Variants in EEF1B2 observed in about 807,000 individuals in gnomAD.
EEF1B2 encodes elongation factor 1-beta.
EEF1B2 carries 12 observed loss-of-function variants against 28.3 expected under a neutral mutation model. That is an observed-to-expected ratio of 0.42 (90% CI 0.27 to 0.69). EEF1B2 has a LOEUF of 0.69. Among genes scored for constraint, EEF1B2 ranks in the 30% least tolerant of loss-of-function variants. The pLI is 0.22. For synonymous variants in EEF1B2, 83 were observed against 99.9 expected, an observed-to-expected ratio of 0.83 and a Z score of 1.01; for missense variants, 234 against 272.6, an observed-to-expected ratio of 0.86 and a Z score of 1.00.
Position 206,162,739 on chromosome 2 carries a change from T to G in EEF1B2, c.534T>G (p.Val178=), listed in dbSNP as rs371039052. The G allele has an allele frequency of 1.2e-6, 2 of 1,613,594 alleles. No individual in the cohort carries two copies. The highest frequency in any genetic ancestry group is 2.7e-5 in the African/African-American group (2 of 74,922). ...DGLVWGSSKL[V]PVGYGIKKLQ... is the part of the protein sequence containing the mutation. ...TAATGCTCTTTTTAGCTAAACTAGT[T>G]CCAGTGGGATACGGAATTAAGAAAC... Residue 178 remains valine, a synonymous_variant, in exon 6 of 6, where the codon GTT becomes GTG. Coordinates refer to ENST00000392222, the MANE Select transcript of EEF1B2 (RefSeq NM_001959.4).
chr2:206,159,786 A>G (rs566971728), upstream of EEF1B2: 29 of 548,716 alleles, frequency 5.3e-5, no homozygotes, highest in African/African-American at 5.7e-4. Flanking sequence ...CCCAATTCGT[A>G]CGTGGAGAAG....
At position 206,160,029 on chromosome 2, in the gene EEF1B2, A is replaced by G; in HGVS notation, c.50A>G (p.Asp17Gly). Reference sequence around the variant, plus strand: ...CCTGCCGGCCTCCAGGTGCTCAACGATTACCTGGCGGACAAGAGCTACATC... The same window carrying G: ...CCTGCCGGCCTCCAGGTGCTCAACGGTTACCTGGCGGACAAGAGCTACATC... ...KSPAGLQVLNDYLADKSYIEG... is the reference protein window; with the variant it reads ...KSPAGLQVLNGYLADKSYIEG... Residue 17 changes from aspartate (D) to glycine (G), a missense_variant, in exon 1 of 6, where the codon GAT becomes GGT. By Grantham distance (94) the Asp-to-Gly change is moderately conservative (BLOSUM62 -1). Transcript: ENST00000392222. 1 of 1,613,354 alleles carries G rather than the reference A, an allele frequency of 6.2e-7. No homozygotes were observed.
intron 2 of EEF1B2, 38 bp from the exon 3 acceptor site, chr2:206,161,308 A>C (rs1187337366): frequency 1.9e-6 from 3 of 1,610,746 alleles, no homozygotes; most frequent in Non-Finnish European, 2.5e-6. Flanking sequence ...AGGATGTTAT[A>C]CTAGCTCAAT....
Position 206,159,979 on chromosome 2 carries a change from C to T in EEF1B2, c.-1C>T. 6.2e-7 allele frequency: 1 copy of T among 1,612,376 alleles called. No homozygotes were observed. Among genetic ancestry groups the T allele is most frequent in the South Asian group, 1.1e-5 (1 of 90,988 alleles). On this transcript the variant is annotated 5_prime_UTR_variant, in exon 1 of 6. Coordinates refer to ENST00000392222, the MANE Select transcript of EEF1B2 (RefSeq NM_001959.4). The stretch of plus-strand genomic sequence containing the variant: ...CCCAGCTCTCGGATACAGCCGACAC[C>T]ATGGGTTTCGGAGACCTGAAAAGCC...
Position 206,159,906 on chromosome 2 carries a change from T to C in EEF1B2, c.-74T>C. 6.5e-7 allele frequency: 1 copy of C among 1,544,386 alleles called. No individual in the cohort carries two copies. Among genetic ancestry groups the C allele is most frequent in the Non-Finnish European group, 8.7e-7 (1 of 1,143,270 alleles). On this transcript the variant is annotated 5_prime_UTR_variant, in exon 1 of 6. Transcript: ENST00000392222. ...CGGTCTCTTCGGGTCCTTTTTCCTC[T>C]CTTCAGCGTGGGGCGCCCACAATTT...
intron 2 of EEF1B2, 119 bp from the exon 3 acceptor site, chr2:206,161,227 T>G: frequency 6.9e-7 from 1 of 1,451,032 alleles, no homozygotes; most frequent in Non-Finnish European, 9.4e-7. Context: ...TGTGAAAGGG[T>G]AAATTATGAT....
intron 1 of EEF1B2, 79 bp from the exon 2 acceptor site, chr2:206,160,509 G>A (rs772437205): frequency 6.2e-7 from 1 of 1,606,364 alleles, no homozygotes; most frequent in Admixed American, 1.7e-5. Flanking sequence ...TAATTAATGT[G>A]ATGCATACGG....
At position 206,162,807 on chromosome 2, in the gene EEF1B2, A is replaced by G; in HGVS notation, c.602A>G (p.Asp201Gly). Residue 201 changes from aspartate (D) to glycine (G), a missense_variant, in exon 6 of 6, where the codon GAT becomes GGT. Coordinates refer to ENST00000392222, the MANE Select transcript of EEF1B2 (RefSeq NM_001959.4). ...GTTGAAGATGATAAAGTTGGAACAG[A>G]TATGCTGGAGGAGCAGATCACTGCT... ...CVVEDDKVGT[D>G]MLEEQITAFE... 1 of 1,608,332 alleles carries G rather than the reference A, an allele frequency of 6.2e-7. No individual in the cohort carries two copies. The highest frequency in any genetic ancestry group is 1.1e-5 in the South Asian group (1 of 91,058).
At chr2:206,159,826 C>A, upstream of EEF1B2, 1 of 770,860 alleles carries the variant, frequency 1.3e-6, no homozygotes. Context: ...TGACCTTTAA[C>A]CTTCGGTCCG....
At chr2:206,161,606 C>T in intron 3 of EEF1B2, 134 bp downstream of exon 3, 1 of 1,143,904 alleles carries the variant, frequency 8.7e-7, no homozygotes, top group Non-Finnish European at 1.2e-6. Context: ...GATGGTGAAA[C>T]CCTGTCTGTA....
upstream of EEF1B2, chr2:206,159,878 T>C (rs569620316): frequency 9.5e-6 from 13 of 1,371,060 alleles, no homozygotes; most frequent in Admixed American, 1.8e-4. Context: ...ATAAGGAATT[T>C]TCCGGTCTCT....
At chr2:206,161,201 T>C (rs1190187856) in intron 2 of EEF1B2, 145 bp from the exon 3 acceptor site, 1 of 1,086,088 alleles carries the variant, frequency 9.2e-7, no homozygotes, top group African/African-American at 1.6e-5. Flanking sequence ...CATATGACAG[T>C]GTTTACCTGG....
Position 206,162,078 on chromosome 2 carries a change from C to A in EEF1B2, c.371C>A (p.Ala124Glu). 1 of 1,614,058 alleles carries A rather than the reference C, an allele frequency of 6.2e-7. No homozygotes were observed. The highest frequency in any genetic ancestry group is 8.5e-7 in the Non-Finnish European group (1 of 1,179,990). Residue 124 changes from alanine (A) to glutamate (E), a missense_variant, in exon 4 of 6, where the codon GCA becomes GAA. Physicochemically the swap from Ala to Glu is moderately radical, Grantham distance 107. Around this residue, in one of 2 missense-constraint regions of EEF1B2, gnomAD observed 178 missense variants for 173.3 expected, o/e 1.03. Coordinates refer to ENST00000392222, the MANE Select transcript of EEF1B2 (RefSeq NM_001959.4). ...AAGAGGCTAAGGGAAGAACGTCTTGCACAATATGAATCAAAGAAAGCCAAA... is the reference window on the plus strand; with the variant it reads ...AAGAGGCTAAGGGAAGAACGTCTTGAACAATATGAATCAAAGAAAGCCAAA... ...EAKRLREERLAQYESKKAKKP... is the reference protein window; with the variant it reads ...EAKRLREERLEQYESKKAKKP...
At chr2:206,160,126 C>T in intron 1 of EEF1B2, 67 bp downstream of exon 1, 2 of 1,569,524 alleles carry the variant, frequency 1.3e-6, no homozygotes, top group Non-Finnish European at 1.7e-6. Flanking sequence ...CCACGTGGCG[C>T]AGCGTGTCGG....
chr2:206,159,623 G>T (rs533862983), upstream of EEF1B2: 145 of 232,214 alleles, frequency 6.2e-4, no homozygotes, highest in Middle Eastern at 0.021. Flanking sequence ...TCGAGGCCGG[G>T]CGTCTTCGGT....
At chr2:206,160,498 C>G in intron 1 of EEF1B2, 90 bp from the exon 2 acceptor site, 1 of 1,598,238 alleles carries the variant, frequency 6.3e-7, no homozygotes, top group Non-Finnish European at 8.5e-7. Context: ...TTAGTGCCCA[C>G]TAATTAATGT....
chr2:206,159,788 G>A, upstream of EEF1B2: 2 of 552,056 alleles, frequency 3.6e-6, no homozygotes, highest in South Asian at 5.2e-5. Context: ...CAATTCGTAC[G>A]TGGAGAAGTG....
intron 2 of EEF1B2, chr2:206,160,925 C>A: frequency 1.3e-6 from 1 of 791,542 alleles, no homozygotes; most frequent in Non-Finnish European, 2.1e-6. Flanking sequence ...TTTCCCCACA[C>A]TGCCCTGCCA....
At position 206,162,597 on chromosome 2, in the gene EEF1B2, G is replaced by A; in HGVS notation, c.506G>A (p.Gly169Asp). The A allele has an allele frequency of 1.2e-6, 2 of 1,613,382 alleles. No homozygotes were observed. Among genetic ancestry groups the A allele is most frequent in the Non-Finnish European group, 1.7e-6 (2 of 1,179,942 alleles). The part of the protein sequence containing the change: ...EECVRSIQAD[G>D]LVWGSSKLVP... ...TGCGTCAGAAGCATTCAAGCAGACG[G>A]CTTAGTCTGGGGCTCATGTGAGTTT... The change falls in exon 5 of 6, where the codon GGC (glycine) becomes GAC (aspartate). Residue 169 changes from glycine (G) to aspartate (D), a missense_variant. Transcript: ENST00000392222.
Sources: allele counts gnomAD v4.1 joint callset, GRCh38; gene constraint gnomAD v4.1.1; regional missense constraint gnomAD v4.1.1; transcripts MANE v1.5; gene names NCBI Gene and HGNC (gene_info 2026-07-23, HGNC 2026-07-21).